TSPAN9: variants seen among roughly 807,000 people sequenced by gnomAD.
TSPAN9 encodes tetraspanin-9.
TSPAN9 carries 16 observed loss-of-function variants against 31.0 expected under a neutral mutation model. The observed-to-expected ratio is 0.52, with a 90% CI of 0.35 to 0.78. The LOEUF (loss-of-function observed/expected upper bound fraction) is 0.78, where lower values mean the gene tolerates loss of function less well. TSPAN9 is among the 30% of genes least tolerant of loss of function. The pLI, the probability that TSPAN9 is intolerant of heterozygous loss-of-function variation, is 0.01. For synonymous variants in TSPAN9, 145 were observed against 121.6 expected, an observed-to-expected ratio of 1.19 and a Z score of -1.27; for missense variants, 272 against 312.5, an observed-to-expected ratio of 0.87 and a Z score of 0.98.
At position 3,077,387 on chromosome 12, in the gene TSPAN9, TGGCGGC is replaced by T. The variant is rs376243638; in HGVS notation, c.-136_-131del. 1.4e-4 allele frequency: 21 copies of T among 149,502 alleles called. No individual in the cohort carries two copies. The highest frequency in any genetic ancestry group is 4.2e-4 in the African/African-American group (17 of 40,600). The allele number at this position is 149,502 out of a possible 1,614,324, so 9.3% of individuals were successfully genotyped here. A position where few individuals can be genotyped will look rare whatever the true frequency, so the allele number is the denominator to read the frequency against. On this transcript the variant is annotated 5_prime_UTR_variant, in exon 1 of 9. Coordinates refer to ENST00000011898, the MANE Select transcript of TSPAN9 (RefSeq NM_006675.5). ...GGCAGGCCCCGCCCCCTGTTTCCGCTGGCGGCGGCGGCGGCGGCGGTGCCGGAGCGC... is the reference window on the plus strand; with the variant it reads ...GGCAGGCCCCGCCCCCTGTTTCCGCTGGCGGCGGCGGCGGTGCCGGAGCGC...
intron 2 of TSPAN9, among the ~76,000 whole-genome samples, chr12:3,121,533 CTTTTTTT>C (rs59376087): frequency 5.0e-4 from 46 of 92,914 alleles, no homozygotes; most frequent in African/African-American, 1.7e-3. Flanking sequence ...CTAATTAAAA[CTTTTTTT>C]TTTTTTTTTT....
At chr12:3,105,731 C>G (rs570230666) in intron 2 of TSPAN9, among the ~76,000 whole-genome samples, 1 of 150,976 alleles carries the variant, frequency 6.6e-6, no homozygotes, top group African/African-American at 2.4e-5. Flanking sequence ...TGTGTGCACG[C>G]GCGTGCACAC....
chr12:3,113,821 G>A (rs2153965593), intron 2 of TSPAN9, among the ~76,000 whole-genome samples: 1 of 152,310 alleles, frequency 6.6e-6, no homozygotes, highest in South Asian at 2.1e-4. Context: ...TTGAGGTTTT[G>A]CAAATGTGGC....
intron 2 of TSPAN9, among the ~76,000 whole-genome samples, chr12:3,104,228 G>A (rs1464976181): frequency 6.6e-6 from 1 of 152,180 alleles, no homozygotes; most frequent in Non-Finnish European, 1.5e-5. Context: ...GAAGAGATGG[G>A]AGCCATGGAG....
chr12:3,196,136 T>C (rs2098366950), intron 2 of TSPAN9, among the ~76,000 whole-genome samples: 3 of 152,158 alleles, frequency 2.0e-5, no homozygotes, highest in Non-Finnish European at 4.4e-5. Context: ...GATGGTGTGC[T>C]CATGGTGAGA....
At chr12:3,256,151 T>C (rs140600654) in intron 3 of TSPAN9, among the ~76,000 whole-genome samples, 324 of 151,234 alleles carry the variant, frequency 2.1e-3, no homozygotes, top group African/African-American at 7.7e-3. Context: ...GCCAGAGAGG[T>C]GATGAAAGAA....
In TSPAN9 at chr12:3,077,432, A is replaced by AC. The variant is rs1565566699; in HGVS notation, c.-101dup. 1 of 148,510 alleles carries AC rather than the reference A, an allele frequency of 6.7e-6. No individual in the cohort carries two copies. The highest frequency in any genetic ancestry group is 1.5e-5 in the Non-Finnish European group (1 of 67,206). The allele number at this position is 148,510 out of a possible 1,614,324, so 9.2% of individuals were successfully genotyped here. ...GTGCCGGAGCGCGAGCAGAGCGGAG[A>AC]CCCCCAGGTCCTGCGGGCGCGGTGA... On this transcript the variant is annotated 5_prime_UTR_variant, in exon 1 of 9. Transcript: ENST00000011898.
chr12:3,243,639 C>T lies in TSPAN9; in HGVS notation c.64-34782C>T, dbSNP rs145462621. Among the ~76,000 whole-genome samples the T allele has an allele frequency of 9.2e-3, 1,404 of 152,264 alleles. 23 individuals carry two copies. Among genetic ancestry groups the T allele is most frequent in the African/African-American group, 0.031 (1,281 of 41,560 alleles). The stretch of plus-strand genomic sequence containing the variant: ...ATGAGGTGGAGAAGCAGCCAGGCAT[C>T]GGCCCTCCTGCTGTCACCCTCCCTG... On this transcript the variant is annotated intron_variant, in intron 3 of 8. Transcript: ENST00000011898.
At chr12:3,208,947 C>T (rs11062567) in intron 3 of TSPAN9, among the ~76,000 whole-genome samples, 4,760 of 152,248 alleles carry the variant, frequency 0.031, 103 homozygotes, top group African/African-American at 0.041. Context: ...TTTAAAAATT[C>T]GGCGTTGTGC....
At chr12:3,138,123 G>A (rs11830855) in intron 2 of TSPAN9, among the ~76,000 whole-genome samples, 2,285 of 152,094 alleles carry the variant, frequency 0.015, 52 homozygotes, top group African/African-American at 0.051. Flanking sequence ...AGTGCCCAGC[G>A]GTGCCCGTTC....
intron 3 of TSPAN9, among the ~76,000 whole-genome samples, chr12:3,248,236 C>A (rs531891): frequency 0.86 from 131,468 of 152,138 alleles, 58,470 homozygotes; most frequent in Non-Finnish European, 0.98. Flanking sequence ...CCCCTAGGCA[C>A]ACTCTCTACT....
rs144684604 is a variant in TSPAN9, at chr12:3,143,031, G to T, written c.-17-58146G>T. Among the ~76,000 whole-genome samples, 573 of 152,040 alleles carry T rather than the reference G, an allele frequency of 3.8e-3. 2 individuals carry two copies. The highest frequency in any genetic ancestry group is 0.013 in the African/African-American group (554 of 41,474). ...CTCTGCAGGACGGTTTTTCACTCTG[G>T]CTCTGTCTGGCATTTTCTCATGGTT... On this transcript the variant is annotated intron_variant, in intron 2 of 8. Coordinates refer to ENST00000011898, the MANE Select transcript of TSPAN9 (RefSeq NM_006675.5). The surrounding 1 kb of genome is among the most constrained non-coding windows in gnomAD (Gnocchi z 4.2).
intron 1 of TSPAN9, among the ~76,000 whole-genome samples, chr12:3,082,965 G>T (rs1399353442): frequency 6.6e-6 from 1 of 152,192 alleles, no homozygotes; most frequent in Non-Finnish European, 1.5e-5. Context: ...GCACTTTCTG[G>T]CATCCCAAAT....
chr12:3,236,505 G>A (rs1449363743), intron 3 of TSPAN9, among the ~76,000 whole-genome samples: 2 of 152,144 alleles, frequency 1.3e-5, no homozygotes, highest in Non-Finnish European at 2.9e-5. Context: ...TCTGAGGCCC[G>A]TGCCCTTCGC....
intron 2 of TSPAN9, among the ~76,000 whole-genome samples, chr12:3,089,138 A>T (rs2098302473): frequency 6.7e-6 from 1 of 149,932 alleles, no homozygotes; most frequent in African/African-American, 2.4e-5. Context: ...AGGCTGAGGC[A>T]GGAGAATGGC....
intron 1 of TSPAN9, among the ~76,000 whole-genome samples, chr12:3,081,511 C>CTT (rs2098297808): frequency 6.6e-6 from 1 of 152,152 alleles, no homozygotes; most frequent in Non-Finnish European, 1.5e-5. Flanking sequence ...TTTCTCATGT[C>CTT]TGAGCTCCTC....
At chr12:3,115,002 G>T (rs2098321466) in intron 2 of TSPAN9, among the ~76,000 whole-genome samples, 1 of 152,076 alleles carries the variant, frequency 6.6e-6, no homozygotes, top group African/African-American at 2.4e-5. Context: ...GTGACCATCA[G>T]CACTGTCAAT....
At chr12:3,239,513 G>C (rs1401107912) in intron 3 of TSPAN9, among the ~76,000 whole-genome samples, 1 of 152,218 alleles carries the variant, frequency 6.6e-6, no homozygotes, top group Non-Finnish European at 1.5e-5. Context: ...TGTCTGCCAG[G>C]CAGCCGCCAC....
At chr12:3,099,741 A>G (rs2098310897) in intron 2 of TSPAN9, among the ~76,000 whole-genome samples, 1 of 152,136 alleles carries the variant, frequency 6.6e-6, no homozygotes, top group Non-Finnish European at 1.5e-5. Context: ...GGGTAGACCC[A>G]GACCAGCCTT....
Sources: gnomAD v4.1 joint callset for allele counts (sites outside exome capture counted in the v4.1 genomes callset) on GRCh38, gnomAD v4.1.1 for gene constraint, Gnocchi (gnomAD v3.1) non-coding constraint, MANE v1.5 for transcripts, NCBI Gene and HGNC (gene_info 2026-07-23, HGNC 2026-07-21) for gene names.